The following SLC7A14 variants were observed in gnomAD, a reference collection of about 807,000 sequenced individuals.
SLC7A14 encodes the protein solute carrier family 7 member 14.
SLC7A14 carries 37 observed loss-of-function variants against 60.2 expected under a neutral mutation model. That is an observed-to-expected ratio of 0.61 (90% CI 0.47 to 0.81). The LOEUF is 0.81. Among genes scored for constraint, SLC7A14 ranks in the 30% least tolerant of loss-of-function variants. The pLI is 0.00. For missense variants in SLC7A14, 886 were observed against 982.7 expected, an observed-to-expected ratio of 0.90 and a Z score of 1.32; for synonymous variants, 399 against 395.8, an observed-to-expected ratio of 1.01 and a Z score of -0.10.
intron 1 of SLC7A14, among the ~76,000 whole-genome samples, chr3:170,539,623 AG>A (rs1268187626): frequency 6.6e-6 from 1 of 152,164 alleles, no homozygotes; most frequent in African/African-American, 2.4e-5. Context: ...AACTCCTTGA[AG>A]GTAGGAATTT....
chr3:170,531,317 T>C (rs1006039686), intron 1 of SLC7A14, among the ~76,000 whole-genome samples: 2 of 151,992 alleles, frequency 1.3e-5, no homozygotes, highest in Non-Finnish European at 2.9e-5. Flanking sequence ...GAGGCGGCAC[T>C]GTCTGGAGAT....
Position 170,464,225 on chromosome 3 carries a change from A to C in SLC7A14, c.*2830T>G, listed in dbSNP as rs957784764. ...TAAATAAGTAGAATAAAATCTGAAG[A>C]AAATCAAGTAATTGGCTCCAAACCA... is the stretch of plus-strand genomic sequence containing the variant. On this transcript the variant is annotated 3_prime_UTR_variant, in exon 8 of 8. Coordinates refer to ENST00000231706, the MANE Select transcript of SLC7A14 (RefSeq NM_020949.3). 1 of 152,256 alleles carries C rather than the reference A, an allele frequency of 6.6e-6. No individual in the cohort carries two copies. The highest frequency in any genetic ancestry group is 2.4e-5 in the African/African-American group (1 of 41,470). The allele number at this position is 152,256 out of a possible 1,614,324, so 9.4% of individuals were successfully genotyped here.
chr3:170,548,148 C>T (rs1714234254), intron 1 of SLC7A14, among the ~76,000 whole-genome samples: 1 of 152,102 alleles, frequency 6.6e-6, no homozygotes, highest in African/African-American at 2.4e-5. Context: ...GCAGCTCCCA[C>T]AAAATAAAAA....
intron 1 of SLC7A14, among the ~76,000 whole-genome samples, chr3:170,580,229 T>A (rs189569629): frequency 6.6e-5 from 10 of 152,350 alleles, no homozygotes; most frequent in African/African-American, 2.4e-4. Flanking sequence ...TCTTCAACTA[T>A]GTTATTGATT....
chr3:170,579,746 A>G (rs920214075), intron 1 of SLC7A14, among the ~76,000 whole-genome samples: 2 of 152,266 alleles, frequency 1.3e-5, no homozygotes, highest in Non-Finnish European at 1.5e-5. Flanking sequence ...TTTAGGAACA[A>G]TAGCAATTGC....
At chr3:170,546,141 C>A (rs1714174579) in intron 1 of SLC7A14, among the ~76,000 whole-genome samples, 1 of 152,224 alleles carries the variant, frequency 6.6e-6, no homozygotes. Flanking sequence ...CCCATCTAAT[C>A]ACAAATGGTG....
chr3:170,575,122 C>G (rs901249935), intron 1 of SLC7A14, among the ~76,000 whole-genome samples: 1 of 152,084 alleles, frequency 6.6e-6, no homozygotes, highest in Non-Finnish European at 1.5e-5. Context: ...TTATTAGGAG[C>G]ATGTAGATGA....
intron 7 of SLC7A14, among the ~76,000 whole-genome samples, chr3:170,469,805 T>C (rs968081204): frequency 6.6e-6 from 1 of 152,146 alleles, no homozygotes; most frequent in Non-Finnish European, 1.5e-5. Context: ...ACTTTGCTTA[T>C]AGACGACTCA....
chr3:170,523,401 G>A (rs1245887572), intron 2 of SLC7A14, among the ~76,000 whole-genome samples: 1 of 152,112 alleles, frequency 6.6e-6, no homozygotes, highest in Non-Finnish European at 1.5e-5. Flanking sequence ...ATCTTGACCT[G>A]ATTGACAATT....
rs530818513 is a variant in SLC7A14 at position 170,501,482 on chromosome 3, G to A, written c.305-137C>T. 38 of 706,632 alleles carry A rather than the reference G, an allele frequency of 5.4e-5. No homozygotes were observed. The East Asian group carries it at 6.8e-4, about 13-fold the overall frequency. The allele number at this position is 706,632 out of a possible 1,614,324, so 43.8% of individuals were successfully genotyped here. A position where few individuals can be genotyped will look rare whatever the true frequency, so the allele number is the denominator to read the frequency against. Reference sequence around the variant, plus strand: ...ACACAAAGTTTTATGTATATGAATCGATTCAGAGCCAACTCTTACCTCTTC... The same window carrying A: ...ACACAAAGTTTTATGTATATGAATCAATTCAGAGCCAACTCTTACCTCTTC... On this transcript the variant is annotated intron_variant, in intron 2 of 7. Coordinates refer to ENST00000231706, the MANE Select transcript of SLC7A14 (RefSeq NM_020949.3).
At chr3:170,475,130 C>T (rs746818736) in intron 7 of SLC7A14, among the ~76,000 whole-genome samples, 1 of 152,178 alleles carries the variant, frequency 6.6e-6, no homozygotes, top group Non-Finnish European at 1.5e-5. Context: ...GTTTGTATTC[C>T]TTTTCTTGTC....
intron 4 of SLC7A14, chr3:170,496,659 G>C: frequency 7.8e-7 from 1 of 1,284,112 alleles, no homozygotes; most frequent in Non-Finnish European, 1.1e-6. Flanking sequence ...TGCAGAACAC[G>C]AGTATCCATA....
intron 1 of SLC7A14, among the ~76,000 whole-genome samples, chr3:170,533,650 A>AGTGTGT (rs55850380): frequency 0.015 from 2,232 of 149,054 alleles, 21 homozygotes; most frequent in African/African-American, 0.026. Context: ...CATCTGGCCC[A>AGTGTGT]GTGTGTGTGT....
intron 1 of SLC7A14, among the ~76,000 whole-genome samples, chr3:170,559,356 T>C (rs1714574791): frequency 6.6e-6 from 1 of 152,230 alleles, no homozygotes; most frequent in Non-Finnish European, 1.5e-5. Context: ...AATATAATGC[T>C]ACCTGTTTTC....
intron 1 of SLC7A14, among the ~76,000 whole-genome samples, chr3:170,545,703 A>G (rs1714158068): frequency 1.3e-5 from 2 of 152,198 alleles, no homozygotes; most frequent in African/African-American, 2.4e-5. Context: ...AGCCACCTCA[A>G]TCTTTGCTAT....
At chr3:170,483,976 C>T (rs569415193) in intron 5 of SLC7A14, among the ~76,000 whole-genome samples, 1 of 152,222 alleles carries the variant, frequency 6.6e-6, no homozygotes, top group Non-Finnish European at 1.5e-5. Context: ...TTTATCCGTA[C>T]TCCCTCTCAC....
intron 7 of SLC7A14, among the ~76,000 whole-genome samples, chr3:170,479,032 G>T (rs1711723014): frequency 2.0e-5 from 3 of 152,180 alleles, no homozygotes; most frequent in South Asian, 4.1e-4. Flanking sequence ...TGAGGCAGGA[G>T]AATTGCTTGA....
In SLC7A14 at chr3:170,480,537, A is replaced by G; in HGVS notation, c.1745T>C (p.Phe582Ser). The change falls in exon 7 of 8, where the codon TTC becomes TCC. Residue 582 changes from phenylalanine (F) to serine (S), a missense_variant. Coordinates refer to ENST00000231706, the MANE Select transcript of SLC7A14 (RefSeq NM_020949.3). Reference protein sequence around the residue: ...LFILMFIFCSFIIFGSDYISE... With the variant: ...LFILMFIFCSSIIFGSDYISE... The stretch of plus-strand genomic sequence containing the variant: ...GATGTAGTCAGAACCAAAGATGATG[A>G]AGGAGCAGAAGATGAACATGAGGAT... 1 of 1,614,214 alleles carries G rather than the reference A, an allele frequency of 6.2e-7. No homozygotes were observed. The highest frequency in any genetic ancestry group is 1.1e-5 in the South Asian group (1 of 91,088).
At chr3:170,493,310 A>G (rs1712277978) in intron 4 of SLC7A14, among the ~76,000 whole-genome samples, 1 of 152,136 alleles carries the variant, frequency 6.6e-6, no homozygotes, top group Non-Finnish European at 1.5e-5. Flanking sequence ...TCCTTAAGCT[A>G]TTTTCTTTGG....
Sources: gnomAD v4.1 joint callset for allele counts (sites outside exome capture counted in the v4.1 genomes callset) on GRCh38, gnomAD v4.1.1 for gene constraint, MANE v1.5 for transcripts, NCBI Gene and HGNC (gene_info 2026-07-23, HGNC 2026-07-21) for gene names.